The following GRID2 variants were observed in gnomAD, a reference collection of about 807,000 sequenced individuals.
GRID2 encodes glutamate receptor ionotropic, delta-2.
A neutral mutation model predicts 114.8 loss-of-function variants in GRID2; 33 were observed. The observed-to-expected ratio is 0.29, with a 90% CI of 0.22 to 0.38. The LOEUF (loss-of-function observed/expected upper bound fraction) is 0.38, where lower values mean the gene tolerates loss of function less well. GRID2 is among the 10% of genes least tolerant of loss of function. The probability of loss-of-function intolerance (pLI) is 1.00; values close to 1 mark genes in which losing one functional copy is unlikely to be tolerated. For missense variants in GRID2, 1,184 were observed against 1,257.7 expected (o/e 0.94, Z 0.89); for synonymous variants, 505 against 449.9 (o/e 1.12, Z -1.55).
chr4:93,443,542 A>G (rs1013747339), intron 10 of GRID2, among the ~76,000 whole-genome samples: 4 of 152,038 alleles, frequency 2.6e-5, no homozygotes, highest in African/African-American at 9.7e-5. Flanking sequence ...GGCCAACTCC[A>G]CAATTTGTTC....
chr4:93,594,523 C>T (rs1257700518), intron 13 of GRID2, among the ~76,000 whole-genome samples: 1 of 152,092 alleles, frequency 6.6e-6, no homozygotes, highest in Non-Finnish European at 1.5e-5. Context: ...CTGTGCCCTG[C>T]CCCCAGAGGT....
chr4:92,794,905 T>TATATATATATATACACACACAC (rs745392261), intron 2 of GRID2, among the ~76,000 whole-genome samples: 5 of 127,804 alleles, frequency 3.9e-5, no homozygotes, highest in South Asian at 5.0e-4. Flanking sequence ...TATATATATA[T>TATATATATATATACACACACAC]ACACACACAC....
chr4:93,005,400 C>T (rs1721410674), intron 2 of GRID2, among the ~76,000 whole-genome samples: 1 of 152,030 alleles, frequency 6.6e-6, no homozygotes, highest in African/African-American at 2.4e-5. Flanking sequence ...TCCTAGTCCA[C>T]ATCTTTGTAG....
At chr4:93,035,105 C>CT (rs1409804820) in intron 2 of GRID2, among the ~76,000 whole-genome samples, 62,031 of 136,180 alleles carry the variant, frequency 0.46, 14,714 homozygotes, top group Admixed American at 0.58. Flanking sequence ...TCACTGTCTG[C>CT]TTTTTTTTTT....
chr4:93,091,179 T>C (rs2149329122), intron 3 of GRID2, among the ~76,000 whole-genome samples: 1 of 152,220 alleles, frequency 6.6e-6, no homozygotes, highest in East Asian at 1.9e-4. Flanking sequence ...CCTTTAAGGA[T>C]TGTTTACCAA....
At chr4:92,507,659 CT>C (rs1473045295) in intron 1 of GRID2, among the ~76,000 whole-genome samples, 1 of 151,826 alleles carries the variant, frequency 6.6e-6, no homozygotes, top group Admixed American at 6.6e-5. Context: ...GCAGTGAGTA[CT>C]TAATATCTTT....
At chr4:92,967,798 A>G (rs1753255886) in intron 2 of GRID2, among the ~76,000 whole-genome samples, 2 of 151,936 alleles carry the variant, frequency 1.3e-5, no homozygotes, top group African/African-American at 2.4e-5. Context: ...GGGTATAGCT[A>G]TTGGATAGCT....
intron 2 of GRID2, among the ~76,000 whole-genome samples, chr4:92,752,866 T>C (rs1171539115): frequency 6.6e-6 from 1 of 152,204 alleles, no homozygotes; most frequent in Non-Finnish European, 1.5e-5. Flanking sequence ...GGAACAAGTA[T>C]GCTTAAAAAG....
At chr4:92,862,592 C>T (rs965241175) in intron 2 of GRID2, among the ~76,000 whole-genome samples, 6 of 152,046 alleles carry the variant, frequency 3.9e-5, no homozygotes, top group African/African-American at 1.4e-4. Flanking sequence ...CTTCCTAGAG[C>T]TTCCTGTGCC....
At chr4:93,443,766 A>G (rs1298395738) in intron 10 of GRID2, among the ~76,000 whole-genome samples, 3 of 151,938 alleles carry the variant, frequency 2.0e-5, no homozygotes, top group African/African-American at 7.2e-5. Flanking sequence ...CTTTAAGTCA[A>G]TGACAAAATG....
intron 1 of GRID2, among the ~76,000 whole-genome samples, chr4:92,514,212 G>A (rs1052417283): frequency 6.6e-6 from 1 of 151,778 alleles, no homozygotes; most frequent in African/African-American, 2.4e-5. Context: ...ATATTTTATT[G>A]TATTCTGAAT....
At chr4:93,333,356 A>G (rs1476159341) in intron 8 of GRID2, among the ~76,000 whole-genome samples, 1 of 152,192 alleles carries the variant, frequency 6.6e-6, no homozygotes, top group Non-Finnish European at 1.5e-5. Context: ...TTGATTAACA[A>G]GTTCCAAAGG....
At chr4:93,251,212 G>A (rs1410926342) in intron 8 of GRID2, among the ~76,000 whole-genome samples, 1 of 152,112 alleles carries the variant, frequency 6.6e-6, no homozygotes, top group African/African-American at 2.4e-5. Flanking sequence ...AAAATTATCT[G>A]TGTATTGTTT....
intron 1 of GRID2, among the ~76,000 whole-genome samples, chr4:93,806,192 C>T (rs766391683): frequency 6.6e-6 from 1 of 152,176 alleles, no homozygotes; most frequent in Non-Finnish European, 1.5e-5. Context: ...AAACATAGTA[C>T]AATTTATATA....
chr4:92,710,726 C>T (rs1327740409), intron 2 of GRID2, among the ~76,000 whole-genome samples: 1 of 152,026 alleles, frequency 6.6e-6, no homozygotes, highest in Non-Finnish European at 1.5e-5. Flanking sequence ...TCTAGGTTTT[C>T]AATATGATAT....
chr4:93,397,679 T>A (rs1579948625), intron 9 of GRID2, among the ~76,000 whole-genome samples: 2 of 151,910 alleles, frequency 1.3e-5, no homozygotes, highest in Non-Finnish European at 2.9e-5. Flanking sequence ...TGACCCTTGG[T>A]GTCTGTGAGG....
intron 2 of GRID2, among the ~76,000 whole-genome samples, chr4:92,627,833 C>T (rs1730598845): frequency 6.6e-6 from 1 of 152,042 alleles, no homozygotes; most frequent in Admixed American, 6.6e-5. Flanking sequence ...AACAACAAAA[C>T]AATAAATCAA....
intron 2 of GRID2, among the ~76,000 whole-genome samples, chr4:92,914,059 A>C (rs751044255): frequency 1.3e-5 from 2 of 152,152 alleles, no homozygotes; most frequent in Non-Finnish European, 2.9e-5. Context: ...GAATTACATT[A>C]GTTTTATTAA....
At chr4:92,659,098 A>G (rs1302422299) in intron 2 of GRID2, among the ~76,000 whole-genome samples, 1 of 133,734 alleles carries the variant, frequency 7.5e-6, no homozygotes, top group Non-Finnish European at 1.7e-5. Context: ...AGATGGTTAT[A>G]TTATAAGGAA....
Sources: gnomAD v4.1 joint callset for allele counts (sites outside exome capture counted in the v4.1 genomes callset) on GRCh38, gnomAD v4.1.1 for gene constraint, MANE v1.5 for transcripts, NCBI Gene and HGNC (gene_info 2026-07-23, HGNC 2026-07-21) for gene names.